Variants in FRMPD4 observed in about 807,000 individuals in gnomAD.
FRMPD4 encodes the protein FERM and PDZ domain containing 4.
A neutral mutation model predicts 94.1 loss-of-function variants in FRMPD4; 22 were observed. That is an observed-to-expected ratio of 0.23 (90% CI 0.17 to 0.33). The LOEUF (loss-of-function observed/expected upper bound fraction) is 0.33, where lower values mean the gene tolerates loss of function less well. FRMPD4 is among the 10% of genes least tolerant of loss of function. The pLI is 1.00. For synonymous variants in FRMPD4, 631 were observed against 548.6 expected (o/e 1.15, Z -2.10); for missense variants, 1,111 against 1,339.9 (o/e 0.83, Z 2.67).
intron 1 of FRMPD4, among the ~76,000 whole-genome samples, chrX:12,465,547 T>C: frequency 8.9e-6 from 1 of 111,768 alleles, no homozygotes; most frequent in Admixed American, 9.5e-5. Flanking sequence ...TAGAAAACTC[T>C]CAACATTTCA....
At chrX:11,994,860 A>G (rs989621883) in intron 3 of FRMPD4, among the ~76,000 whole-genome samples, 3 of 111,835 alleles carry the variant, frequency 2.7e-5, no homozygotes, top group African/African-American at 6.5e-5. Context: ...AGAAGACATC[A>G]GTTCTGTAAG....
chrX:12,563,815 G>A (rs1014730033), intron 2 of FRMPD4, among the ~76,000 whole-genome samples: 1 of 112,220 alleles, frequency 8.9e-6, no homozygotes, highest in Non-Finnish European at 1.9e-5. Flanking sequence ...GAGAAACACT[G>A]CTCTAAATTT....
chrX:12,332,207 T>G (rs9698596), intron 1 of FRMPD4, among the ~76,000 whole-genome samples: 8,967 of 59,510 alleles, frequency 0.15, 792 homozygotes, highest in East Asian at 0.24. Flanking sequence ...TATATATATA[T>G]AGAGAGAGAG....
Position 12,614,871 on chromosome X carries a change from G to A in FRMPD4, c.412G>A (p.Asp138Asn), listed in dbSNP as rs1399275095. 1.8e-6 allele frequency: 2 copies of A among 1,117,517 alleles called. No homozygotes were observed. The highest frequency in any genetic ancestry group is 2.2e-5 in the Admixed American group (1 of 45,781). 92.1% of individuals were successfully genotyped at this position (1,117,517 alleles called of 1,213,427 possible). A position where few individuals can be genotyped will look rare whatever the true frequency, so the allele number is the denominator to read the frequency against. ...VSAAPRERVI[D>N]LVRSCKESIL... is the part of the protein sequence containing the mutation. ...CGCTGCACCCAGAGAGCGGGTCATC[G>A]ATCTGGTCAGGTGAGTGACTCATTC... The change falls in exon 4 of 17, where the codon GAT becomes AAT. Residue 138 changes from aspartate to asparagine, a missense_variant. Physicochemically the swap from Asp to Asn is conservative, Grantham distance 23. This residue lies in a region of FRMPD4 where 140 missense variants were observed against 165.9 expected (regional missense o/e 0.84). Transcript: ENST00000675598.
chrX:12,590,757 G>A (rs2058974836), intron 2 of FRMPD4, among the ~76,000 whole-genome samples: 1 of 111,483 alleles, frequency 9.0e-6, no homozygotes, highest in African/African-American at 3.3e-5. Flanking sequence ...AAAGTGCCAA[G>A]GCTGCCTCTA....
At chrX:12,212,969 A>G (rs963481139) in intron 1 of FRMPD4, among the ~76,000 whole-genome samples, 2 of 111,130 alleles carry the variant, frequency 1.8e-5, no homozygotes, top group Admixed American at 9.6e-5. Context: ...TTTCATGTAA[A>G]TTGTACCCCC....
At chrX:12,479,106 A>T (rs1391359435) in intron 1 of FRMPD4, among the ~76,000 whole-genome samples, 1 of 111,187 alleles carries the variant, frequency 9.0e-6, no homozygotes, top group Non-Finnish European at 1.9e-5. Context: ...AGCATATGAA[A>T]CAGAGAGTAA....
chrX:12,155,716 T>C (rs2055926210), intron 1 of FRMPD4, among the ~76,000 whole-genome samples: 1 of 110,929 alleles, frequency 9.0e-6, no homozygotes, highest in African/African-American at 3.3e-5. Flanking sequence ...TCCCCAATCT[T>C]TCATTGTCCA....
chrX:12,349,907 T>G (rs1419694725), intron 1 of FRMPD4, among the ~76,000 whole-genome samples: 1 of 111,851 alleles, frequency 8.9e-6, no homozygotes, highest in Non-Finnish European at 1.9e-5. Flanking sequence ...TTAAATTATA[T>G]TATAAATGCA....
In FRMPD4 at chrX:12,089,855, T is replaced by C. The variant is rs2055140029; in HGVS notation, c.95+211837T>C. ...AAGAGATACATGTGAGAAGCCTAAG[T>C]TAAGGTCCTTATGATAAGTCATTTA... is the stretch of plus-strand genomic sequence containing the variant. On this transcript the variant is annotated intron_variant, in intron 3 of 18. Transcript: ENST00000640291. 3.6e-5 allele frequency among the ~76,000 whole-genome samples: 4 copies of C among 111,942 alleles called. No homozygotes were observed. In the South Asian group the frequency reaches 1.5e-3, roughly 42 times the overall value.
chrX:12,674,356 A>T (rs1053492558), intron 4 of FRMPD4, among the ~76,000 whole-genome samples: 3 of 111,788 alleles, frequency 2.7e-5, no homozygotes, highest in Non-Finnish European at 5.6e-5. Context: ...TAAGAAACCT[A>T]CAATAACATT....
chrX:12,226,346 C>A (rs1217392409), intron 1 of FRMPD4, among the ~76,000 whole-genome samples: 5 of 111,458 alleles, frequency 4.5e-5, no homozygotes, highest in African/African-American at 1.6e-4. Context: ...ATTCTAAAGA[C>A]AAACTTGGCT....
chrX:12,207,251 A>T (rs981281924), intron 1 of FRMPD4, among the ~76,000 whole-genome samples: 9 of 111,585 alleles, frequency 8.1e-5, no homozygotes, highest in African/African-American at 2.6e-4. Flanking sequence ...ATGCCTCACA[A>T]TTTTTTTTAT....
chrX:12,165,528 T>C (rs1369101544), intron 1 of FRMPD4, among the ~76,000 whole-genome samples: 1 of 112,027 alleles, frequency 8.9e-6, no homozygotes, highest in African/African-American at 3.2e-5. Flanking sequence ...GACTTGGCAA[T>C]GTAGGCTCTT....
rs1057084183 is a variant in FRMPD4 at position 12,239,925 on chromosome X, C to A, written c.41+100913C>A. 4.5e-5 allele frequency among the ~76,000 whole-genome samples: 5 copies of A among 112,184 alleles called. No individual in the cohort carries two copies. The East Asian group carries it at 1.1e-3, about 25-fold the overall frequency. On this transcript the variant is annotated intron_variant, in intron 1 of 16. Coordinates refer to ENST00000675598, the MANE Select transcript of FRMPD4 (RefSeq NM_001368397.1). The stretch of plus-strand genomic sequence containing the variant: ...TCATGACCTCATCGCCTTTCAAAGG[C>A]CTCACCTCCTAACACCATCACATTT...
chrX:12,301,362 A>G (rs1318545491), intron 1 of FRMPD4, among the ~76,000 whole-genome samples: 2 of 111,829 alleles, frequency 1.8e-5, no homozygotes, highest in African/African-American at 6.5e-5. Flanking sequence ...AAAAGTCTTT[A>G]TCATCTGGCC....
intron 1 of FRMPD4, among the ~76,000 whole-genome samples, chrX:11,835,537 G>A (rs1010902029): frequency 1.8e-5 from 2 of 112,094 alleles, no homozygotes; most frequent in Admixed American, 9.5e-5. Flanking sequence ...GTTGGGATGA[G>A]CAACATTGAG....
chrX:12,114,638 G>A (rs1427376082), intron 3 of FRMPD4, among the ~76,000 whole-genome samples: 1 of 111,956 alleles, frequency 8.9e-6, no homozygotes, highest in African/African-American at 3.2e-5. Context: ...TATTTACTCA[G>A]TGGCATTTAA....
chrX:12,075,235 C>A (rs751389260), intron 3 of FRMPD4, among the ~76,000 whole-genome samples: 4 of 110,632 alleles, frequency 3.6e-5, no homozygotes, highest in Non-Finnish European at 1.9e-5. Flanking sequence ...ATGGGGTGAA[C>A]CCTTATGTAA....
Sources: allele counts gnomAD v4.1 joint callset (sites outside exome capture counted in the v4.1 genomes callset), GRCh38; gene constraint gnomAD v4.1.1; regional missense constraint gnomAD v4.1.1; transcripts MANE v1.5; gene names NCBI Gene and HGNC (gene_info 2026-07-23, HGNC 2026-07-21).